SLC24A3: variants seen among roughly 807,000 people sequenced by gnomAD.
SLC24A3 encodes the protein solute carrier family 24 member 3, also known as sodium/potassium/calcium exchanger 3.
Under a neutral mutation model 75.8 loss-of-function variants are expected in SLC24A3, and 28 were observed. The observed-to-expected ratio is 0.37, with a 90% CI of 0.27 to 0.51. SLC24A3 has a LOEUF of 0.51. SLC24A3 is among the 20% of genes least tolerant of loss of function. SLC24A3 has a pLI of 0.94. For missense variants in SLC24A3, 663 were observed against 847.8 expected, an observed-to-expected ratio of 0.78 and a Z score of 2.71; for synonymous variants, 372 against 334.1, an observed-to-expected ratio of 1.11 and a Z score of -1.24.
intron 2 of SLC24A3, among the ~76,000 whole-genome samples, chr20:19,480,760 C>T (rs1026836372): frequency 6.6e-6 from 1 of 152,124 alleles, no homozygotes; most frequent in Non-Finnish European, 1.5e-5. Flanking sequence ...ATCTGAGTCC[C>T]CTTGGCCAGT....
chr20:19,313,603 C>T (rs1398682995), intron 2 of SLC24A3, among the ~76,000 whole-genome samples: 1 of 152,204 alleles, frequency 6.6e-6, no homozygotes. Context: ...CCTCTCCTGC[C>T]ACTGCTAGGT....
At chr20:19,424,742 CAACAAAAAAAAAAAAAAA>C (rs1225926081) in intron 2 of SLC24A3, among the ~76,000 whole-genome samples, 24 of 4,786 alleles carry the variant, frequency 5.0e-3, no homozygotes, top group Non-Finnish European at 8.4e-3. Flanking sequence ...AAAAAAACAA[CAACAAAAAAAAAAAAAAA>C]AAAAAAAAAA....
At chr20:19,398,103 C>T (rs1217142166) in intron 2 of SLC24A3, among the ~76,000 whole-genome samples, 6 of 152,110 alleles carry the variant, frequency 3.9e-5, no homozygotes, top group African/African-American at 9.7e-5. Context: ...CTTCTCTCTT[C>T]TATTGGTAAT....
chr20:19,474,873 A>C (rs1244135793), intron 2 of SLC24A3, among the ~76,000 whole-genome samples: 1 of 151,902 alleles, frequency 6.6e-6, no homozygotes. Flanking sequence ...TGCCCTATCC[A>C]TTTCTCACTC....
At chr20:19,677,415 T>C (rs2032537484) in intron 9 of SLC24A3, among the ~76,000 whole-genome samples, 1 of 152,144 alleles carries the variant, frequency 6.6e-6, no homozygotes, top group South Asian at 2.1e-4. Flanking sequence ...AAGGCATCCT[T>C]GTCGAATCTA....
intron 2 of SLC24A3, among the ~76,000 whole-genome samples, chr20:19,447,815 A>G (rs944243257): frequency 6.6e-6 from 1 of 151,884 alleles, no homozygotes; most frequent in Non-Finnish European, 1.5e-5. Context: ...TGCACTTGGG[A>G]CTCCTTAGTG....
chr20:19,478,068 C>T (rs896280120), intron 2 of SLC24A3, among the ~76,000 whole-genome samples: 3 of 152,218 alleles, frequency 2.0e-5, no homozygotes, highest in Non-Finnish European at 4.4e-5. Context: ...TCATTTATTG[C>T]CATCTGTCAC....
At chr20:19,470,390 G>C (rs1987849701) in intron 2 of SLC24A3, among the ~76,000 whole-genome samples, 1 of 152,224 alleles carries the variant, frequency 6.6e-6, no homozygotes, top group East Asian at 1.9e-4. Flanking sequence ...TCTGAAAAGG[G>C]GGAGGGCTGA....
At chr20:19,630,130 A>C (rs2031915932) in intron 6 of SLC24A3, among the ~76,000 whole-genome samples, 1 of 152,236 alleles carries the variant, frequency 6.6e-6, no homozygotes, top group Non-Finnish European at 1.5e-5. Flanking sequence ...TTAGGGCACA[A>C]GAGATCCTAT....
At chr20:19,666,561 G>A (rs1178884696) in intron 8 of SLC24A3, among the ~76,000 whole-genome samples, 1 of 151,910 alleles carries the variant, frequency 6.6e-6, no homozygotes, top group Admixed American at 6.6e-5. Context: ...CCAATCCCAC[G>A]TTTATCTTAG....
chr20:19,532,195 T>C (rs1363963148), intron 3 of SLC24A3, among the ~76,000 whole-genome samples: 1 of 152,216 alleles, frequency 6.6e-6, no homozygotes, highest in Non-Finnish European at 1.5e-5. Context: ...TTGATTCCTG[T>C]ATGCAGCCAG....
At chr20:19,343,001 C>T (rs928784132) in intron 2 of SLC24A3, among the ~76,000 whole-genome samples, 4 of 129,636 alleles carry the variant, frequency 3.1e-5, no homozygotes, top group African/African-American at 6.2e-5. Flanking sequence ...ACCCAGGAGG[C>T]GGAGCTTGCA....
At chr20:19,320,543 C>T (rs183413068) in intron 2 of SLC24A3, among the ~76,000 whole-genome samples, 48 of 152,030 alleles carry the variant, frequency 3.2e-4, no homozygotes, top group Admixed American at 2.8e-3. Context: ...ATCACATCTG[C>T]TTGGTCTCTC....
At chr20:19,327,487 C>T (rs941987299) in intron 2 of SLC24A3, among the ~76,000 whole-genome samples, 1 of 152,266 alleles carries the variant, frequency 6.6e-6, no homozygotes, top group Admixed American at 6.5e-5. Flanking sequence ...AGAGCCCCCT[C>T]TGGAATCTCA....
chr20:19,499,664 C>T (rs892547165), intron 2 of SLC24A3, among the ~76,000 whole-genome samples: 2 of 152,126 alleles, frequency 1.3e-5, no homozygotes, highest in East Asian at 1.9e-4. Context: ...AAGACCCCAT[C>T]GCACTGGGGA....
chr20:19,671,356 TC>T (rs1196030362), intron 8 of SLC24A3, among the ~76,000 whole-genome samples: 1 of 152,158 alleles, frequency 6.6e-6, no homozygotes, highest in East Asian at 1.9e-4. Context: ...AAGGAAACTT[TC>T]ATTTTTTTTC....
intron 2 of SLC24A3, among the ~76,000 whole-genome samples, chr20:19,501,920 A>G (rs182790924): frequency 1.5e-4 from 23 of 152,234 alleles, no homozygotes; most frequent in Admixed American, 4.6e-4. Context: ...CCGTGACTCC[A>G]GGCAGCATAA....
At chr20:19,238,114 CA>C (rs1390049280) in intron 1 of SLC24A3, among the ~76,000 whole-genome samples, 5 of 152,234 alleles carry the variant, frequency 3.3e-5, no homozygotes, top group African/African-American at 1.2e-4. Flanking sequence ...CAGCAGCCGC[CA>C]AATTAAGAAA....
At chr20:19,455,945 G>A (rs1023010300) in intron 2 of SLC24A3, among the ~76,000 whole-genome samples, 1 of 152,242 alleles carries the variant, frequency 6.6e-6, no homozygotes, top group Non-Finnish European at 1.5e-5. Context: ...ACAAGGAACT[G>A]CACCCTGTGT....
Sources: gnomAD v4.1 joint callset for allele counts (sites outside exome capture counted in the v4.1 genomes callset) on GRCh38, gnomAD v4.1.1 for gene constraint, MANE v1.5 for transcripts, NCBI Gene and HGNC (gene_info 2026-07-23, HGNC 2026-07-21) for gene names.